FOXN3: variants seen among roughly 807,000 people sequenced by gnomAD.
The protein encoded by FOXN3 is forkhead box N3.
Under a neutral mutation model 38.4 loss-of-function variants are expected in FOXN3, and 7 were observed. The observed-to-expected ratio is 0.18, with a 90% CI of 0.10 to 0.34. FOXN3 has a LOEUF of 0.34. FOXN3 is among the 10% of genes least tolerant of loss of function. FOXN3 has a pLI of 1.00. For missense variants in FOXN3, 456 were observed against 613.4 expected (o/e 0.74, Z 2.71); for synonymous variants, 230 against 242.2 (o/e 0.95, Z 0.47).
chr14:89,373,557 AC>A (rs1381954231), intron 2 of FOXN3, among the ~76,000 whole-genome samples: 1 of 152,210 alleles, frequency 6.6e-6, no homozygotes, highest in African/African-American at 2.4e-5. Context: ...CAAAGCAGTG[AC>A]CATTTTACAT....
At chr14:89,270,141 T>C (rs1200946084) in intron 4 of FOXN3, among the ~76,000 whole-genome samples, 1 of 152,188 alleles carries the variant, frequency 6.6e-6, no homozygotes, top group African/African-American at 2.4e-5. Context: ...TGCAGGATCT[T>C]AGTCACTCAG....
chr14:89,220,843 G>A (rs899272130), intron 4 of FOXN3, among the ~76,000 whole-genome samples: 4 of 152,132 alleles, frequency 2.6e-5, no homozygotes, highest in African/African-American at 9.7e-5. Flanking sequence ...TTAGCTCCAG[G>A]TGAGGCAGTT....
At chr14:89,394,034 A>C (rs1891032430) in intron 2 of FOXN3, among the ~76,000 whole-genome samples, 1 of 152,018 alleles carries the variant, frequency 6.6e-6, no homozygotes, top group Non-Finnish European at 1.5e-5. Flanking sequence ...CATGGTGGGA[A>C]GTGGAAGGGC....
intron 4 of FOXN3, among the ~76,000 whole-genome samples, chr14:89,212,962 C>T (rs1000353899): frequency 1.3e-5 from 2 of 152,176 alleles, no homozygotes; most frequent in African/African-American, 4.8e-5. Flanking sequence ...CAAAAAGCCA[C>T]TCAAAGGCAG....
chr14:89,437,095 A>G (rs762765263), intron 1 of FOXN3, among the ~76,000 whole-genome samples: 1 of 152,094 alleles, frequency 6.6e-6, no homozygotes, highest in Non-Finnish European at 1.5e-5. Flanking sequence ...AGGAGAATCA[A>G]TTGAACACGG....
intron 4 of FOXN3, among the ~76,000 whole-genome samples, chr14:89,242,933 G>A (rs892907832): frequency 6.6e-6 from 1 of 152,124 alleles, no homozygotes; most frequent in South Asian, 2.1e-4. Flanking sequence ...TCCATTAATC[G>A]GGGTGCTTAT....
At chr14:89,427,085 C>T (rs149089250) in intron 1 of FOXN3, among the ~76,000 whole-genome samples, 718 of 151,566 alleles carry the variant, frequency 4.7e-3, no homozygotes, top group Non-Finnish European at 6.9e-3. Context: ...AAAAATTAGC[C>T]GGGCGCAGTG....
chr14:89,215,385 A>G (rs1884240352), intron 4 of FOXN3, among the ~76,000 whole-genome samples: 1 of 151,488 alleles, frequency 6.6e-6, no homozygotes. Flanking sequence ...GTAATATCCC[A>G]ACAAGATATC....
intron 1 of FOXN3, among the ~76,000 whole-genome samples, chr14:89,507,406 C>T (rs1257172397): frequency 2.0e-5 from 3 of 152,184 alleles, no homozygotes; most frequent in Non-Finnish European, 4.4e-5. Context: ...CCAGGTAACA[C>T]TTGAGAAATT....
intron 1 of FOXN3, among the ~76,000 whole-genome samples, chr14:89,579,406 T>C (rs1416789105): frequency 6.6e-6 from 1 of 152,042 alleles, no homozygotes; most frequent in Non-Finnish European, 1.5e-5. Context: ...TCCTCCTGCC[T>C]CAGTCTCCCA....
chr14:89,212,735 A>G (rs1437262572), intron 4 of FOXN3, among the ~76,000 whole-genome samples: 1 of 152,156 alleles, frequency 6.6e-6, no homozygotes, highest in Non-Finnish European at 1.5e-5. Context: ...TCAACCCCTT[A>G]AACTACTTAT....
intron 1 of FOXN3, among the ~76,000 whole-genome samples, chr14:89,501,059 G>A (rs1281860218): frequency 6.6e-6 from 1 of 152,198 alleles, no homozygotes; most frequent in Non-Finnish European, 1.5e-5. Flanking sequence ...CGCCCTCCAC[G>A]GGATCGTGTC....
At chr14:89,607,306 T>C (rs542512740) in intron 1 of FOXN3, among the ~76,000 whole-genome samples, 1 of 152,038 alleles carries the variant, frequency 6.6e-6, no homozygotes, top group East Asian at 1.9e-4. Context: ...TGCCTATAAT[T>C]CCAGCACTTT....
At chr14:89,322,743 C>T (rs1887931455) in intron 3 of FOXN3, among the ~76,000 whole-genome samples, 1 of 152,154 alleles carries the variant, frequency 6.6e-6, no homozygotes, top group South Asian at 2.1e-4. Flanking sequence ...AGCAGAGGCA[C>T]ACCAGGAAGA....
intron 1 of FOXN3, among the ~76,000 whole-genome samples, chr14:89,578,680 G>A (rs941177764): frequency 4.6e-5 from 7 of 151,772 alleles, no homozygotes; most frequent in Non-Finnish European, 8.8e-5. Flanking sequence ...CTTCTAATCC[G>A]TCAGCAAGCC....
At chr14:89,233,668 AG>A (rs1884889050) in intron 4 of FOXN3, among the ~76,000 whole-genome samples, 1 of 152,198 alleles carries the variant, frequency 6.6e-6, no homozygotes. Context: ...GAAAATTTTC[AG>A]AAGTGAGAAC....
At chr14:89,450,798 G>T (rs1892599778) in intron 1 of FOXN3, among the ~76,000 whole-genome samples, 2 of 152,122 alleles carry the variant, frequency 1.3e-5, no homozygotes, top group Non-Finnish European at 2.9e-5. Context: ...TGTTAGTCAG[G>T]ATGGTCTCGA....
chr14:89,197,358 T>C (rs1888123580), intron 4 of FOXN3, among the ~76,000 whole-genome samples: 1 of 151,922 alleles, frequency 6.6e-6, no homozygotes, highest in Non-Finnish European at 1.5e-5. Context: ...AATACAAAGA[T>C]TAGCCGGATG....
chr14:89,332,385 G>C (rs907705567), intron 3 of FOXN3, among the ~76,000 whole-genome samples: 1 of 152,090 alleles, frequency 6.6e-6, no homozygotes, highest in African/African-American at 2.4e-5. Context: ...AGTACAGTCA[G>C]TTCCCATATA....
Sources: allele counts gnomAD v4.1 joint callset (sites outside exome capture counted in the v4.1 genomes callset), GRCh38; gene constraint gnomAD v4.1.1; transcripts MANE v1.5; gene names NCBI Gene and HGNC (gene_info 2026-07-23, HGNC 2026-07-21).